Variants in NAA25 observed in about 807,000 individuals in gnomAD.
NAA25 encodes N-alpha-acetyltransferase 25, NatB auxiliary subunit.
Under a neutral mutation model 132.5 loss-of-function variants are expected in NAA25, and 30 were observed. The ratio of observed to expected loss-of-function variants is 0.23; its 90% CI spans 0.17 to 0.31. NAA25 has a LOEUF of 0.31. NAA25 is among the 10% of genes least tolerant of loss of function. The probability of loss-of-function intolerance (pLI) is 1.00; values close to 1 mark genes in which losing one functional copy is unlikely to be tolerated. For synonymous variants in NAA25, 359 were observed against 401.9 expected (o/e 0.89, Z 1.28); for missense variants, 771 against 1,150.4 (o/e 0.67, Z 4.77).
At chr12:112,061,528 T>C (rs2078629651) in intron 11 of NAA25, 140 bp from the exon 12 acceptor site, 2 of 693,768 alleles carry the variant, frequency 2.9e-6, no homozygotes, top group Non-Finnish European at 4.7e-6. Context: ...CCATTTTCTA[T>C]CTACCAAAAT....
intron 14 of NAA25, among the ~76,000 whole-genome samples, 156 bp downstream of exon 14, chr12:112,054,232 A>C (rs1339295570): frequency 6.6e-6 from 1 of 152,198 alleles, no homozygotes; most frequent in African/African-American, 2.4e-5. Context: ...ATGCTGGGAG[A>C]TATAAAAATC....
At chr12:112,072,920 C>T (rs774453515) in intron 9 of NAA25, among the ~76,000 whole-genome samples, 1 of 151,798 alleles carries the variant, frequency 6.6e-6, no homozygotes, top group African/African-American at 2.4e-5. Context: ...GACTGGGTGA[C>T]AGAGCAAGAC....
intron 11 of NAA25, among the ~76,000 whole-genome samples, chr12:112,062,316 G>T (rs1486468475): frequency 6.6e-6 from 1 of 151,372 alleles, no homozygotes; most frequent in African/African-American, 2.4e-5. Context: ...CAGGAGAATC[G>T]CTTGAACCTG....
At position 112,048,576 on chromosome 12, in the gene NAA25, AAGTAGAATATTAGCTTTTT is replaced by A. The variant is rs1415870574; in HGVS notation, c.1729-152_1729-134del. The A allele has an allele frequency of 5.7e-6, 4 of 696,370 alleles. No homozygotes were observed. The African/African-American group carries it at 7.2e-5, about 12-fold the overall frequency. 43.1% of individuals were successfully genotyped at this position (696,370 alleles called of 1,614,324 possible). On this transcript the variant is annotated intron_variant, in intron 15 of 23. Coordinates refer to ENST00000261745, the MANE Select transcript of NAA25 (RefSeq NM_024953.4). The stretch of plus-strand genomic sequence containing the variant: ...CTAATCTTTAAAGGTCTTGGTCACC[AAGTAGAATATTAGCTTTTT>A]AAAATGTTTTTCTTCCTTCTTATAC...
In NAA25 at chr12:112,090,613, C is replaced by G. The variant is rs2079115161; in HGVS notation, c.283+113G>C. 1.4e-5 allele frequency: 15 copies of G among 1,059,802 alleles called. No homozygotes were observed. In the Middle Eastern group the frequency reaches 1.8e-3, roughly 129 times the overall value. 65.6% of individuals were successfully genotyped at this position (1,059,802 alleles called of 1,614,324 possible). A position where few individuals can be genotyped will look rare whatever the true frequency, so the allele number is the denominator to read the frequency against. On this transcript the variant is annotated intron_variant, in intron 3 of 23. Coordinates refer to ENST00000261745, the MANE Select transcript of NAA25 (RefSeq NM_024953.4). Reference sequence around the variant, plus strand: ...CGCAAACCCTGGCTAATGCGTTATTCTACCTACTGTATCCATTCAAATCAT... The same window carrying G: ...CGCAAACCCTGGCTAATGCGTTATTGTACCTACTGTATCCATTCAAATCAT...
At chr12:112,050,541 C>T (rs2078449262) in intron 15 of NAA25, among the ~76,000 whole-genome samples, 1 of 149,638 alleles carries the variant, frequency 6.7e-6, no homozygotes, top group Non-Finnish European at 1.5e-5. Flanking sequence ...GACAGAGTCT[C>T]ACTCTGTCAT....
chr12:112,073,913 TG>T (rs896718949), intron 9 of NAA25, among the ~76,000 whole-genome samples: 3 of 151,818 alleles, frequency 2.0e-5, no homozygotes, highest in East Asian at 3.9e-4. Context: ...CTTAAGCCAC[TG>T]GGGGGAAAAA....
At position 112,043,733 on chromosome 12, in the gene NAA25, C is replaced by G; in HGVS notation, c.2142G>C (p.Lys714Asn). Residue 714 changes from lysine (K) to asparagine (N), a missense_variant, in exon 18 of 24, where the codon AAG (lysine) becomes AAC (asparagine). Lys to Asn is a moderately conservative substitution (Grantham distance 94). Coordinates refer to ENST00000261745, the MANE Select transcript of NAA25 (RefSeq NM_024953.4). ...GGGAGGATACCCCATTCTCGGCAGT[C>G]TTCTCCGAGTTCTTTGGCTCCACAG... Reference protein sequence around the residue: ...NHPVEPKNSEKTAENGVSSRI... With the variant: ...NHPVEPKNSENTAENGVSSRI... The G allele has an allele frequency of 6.2e-7, 1 of 1,614,194 alleles. No individual in the cohort carries two copies. Among genetic ancestry groups the G allele is most frequent in the South Asian group, 1.1e-5 (1 of 91,086 alleles).
chr12:112,064,419 C>CG, intron 11 of NAA25: 1 of 152,208 alleles, frequency 6.6e-6, no homozygotes. Flanking sequence ...TTAGTAGACA[C>CG]GGGGTTTTGC....
At chr12:112,035,776 C>T (rs777820711) in intron 22 of NAA25, among the ~76,000 whole-genome samples, 6 of 151,360 alleles carry the variant, frequency 4.0e-5, no homozygotes, top group Admixed American at 2.0e-4. Context: ...TTCCCAGGCT[C>T]TGGTGATCCT....
chr12:112,102,278 C>T (rs1027624450), intron 1 of NAA25, among the ~76,000 whole-genome samples: 5 of 151,990 alleles, frequency 3.3e-5, no homozygotes, highest in African/African-American at 7.2e-5. Flanking sequence ...GAGGCTGAGG[C>T]GGGAGGATCA....
At chr12:112,064,621 G>A (rs185148477) in intron 11 of NAA25, among the ~76,000 whole-genome samples, 7 of 152,290 alleles carry the variant, frequency 4.6e-5, no homozygotes, top group Admixed American at 3.9e-4. Flanking sequence ...TAGGTTTACT[G>A]TGGCCTTCTT....
chr12:112,075,807 A>T lies in NAA25; in HGVS notation c.665-18T>A. ...CAACTTCTCTAAAATCAAAAGTTATAAAAGTTGGTAAGCTGGTTTCATTTC... is the reference window on the plus strand; with the variant it reads ...CAACTTCTCTAAAATCAAAAGTTATTAAAGTTGGTAAGCTGGTTTCATTTC... On this transcript the variant is annotated intron_variant, in intron 7 of 23. Coordinates refer to ENST00000261745, the MANE Select transcript of NAA25 (RefSeq NM_024953.4). The T allele has an allele frequency of 1.9e-6, 3 of 1,602,268 alleles. No individual in the cohort carries two copies. Among genetic ancestry groups the T allele is most frequent in the Non-Finnish European group, 2.6e-6 (3 of 1,169,502 alleles).
At chr12:112,069,300 T>C (rs1431941310) in intron 10 of NAA25, 2 of 238,764 alleles carry the variant, frequency 8.4e-6, no homozygotes, top group Non-Finnish European at 1.7e-5. Flanking sequence ...AAGTCAGGAG[T>C]TCAAGACCAG....
Position 112,031,807 on chromosome 12 carries a change from CCTT to C in NAA25, c.2796+1423_2796+1425del, listed in dbSNP as rs534140554. On this transcript the variant is annotated intron_variant, in intron 23 of 23. Coordinates refer to ENST00000261745, the MANE Select transcript of NAA25 (RefSeq NM_024953.4). Reference sequence around the variant, plus strand: ...TGCCCCTGTGCTTTTATCTGTGCCTCCTTCTGCTTGGGATCCTTTTCCTACATT... The same window carrying C: ...TGCCCCTGTGCTTTTATCTGTGCCTCCTGCTTGGGATCCTTTTCCTACATT... Among the ~76,000 whole-genome samples, 20 of 151,336 alleles carry C rather than the reference CCTT, an allele frequency of 1.3e-4. No homozygotes were observed. The South Asian group carries it at 4.0e-3, about 30-fold the overall frequency.
At chr12:112,092,657 A>G (rs1393303102) in intron 2 of NAA25, among the ~76,000 whole-genome samples, 1 of 151,380 alleles carries the variant, frequency 6.6e-6, no homozygotes, top group Non-Finnish European at 1.5e-5. Context: ...GTCACTAAAG[A>G]GATTTAACAT....
intron 22 of NAA25, chr12:112,037,817 C>T (rs1054492866): frequency 1.3e-4 from 19 of 151,322 alleles, no homozygotes; most frequent in African/African-American, 4.4e-4. Context: ...CAGCTAAATC[C>T]AGATTGTGGG....
intron 15 of NAA25, among the ~76,000 whole-genome samples, chr12:112,051,918 A>C (rs184659852): frequency 6.6e-6 from 1 of 152,358 alleles, no homozygotes; most frequent in East Asian, 1.9e-4. Flanking sequence ...TATTGACCAC[A>C]TCTTCATGAG....
chr12:112,095,290 A>G (rs1414596834), intron 1 of NAA25, among the ~76,000 whole-genome samples: 2 of 152,000 alleles, frequency 1.3e-5, no homozygotes, highest in African/African-American at 2.4e-5. Flanking sequence ...ACAAAAAATT[A>G]GCCGGGCATG....
Sources: gnomAD v4.1 joint callset for allele counts (sites outside exome capture counted in the v4.1 genomes callset) on GRCh38, gnomAD v4.1.1 for gene constraint, MANE v1.5 for transcripts, NCBI Gene and HGNC (gene_info 2026-07-23, HGNC 2026-07-21) for gene names.